Variants in BRMS1L observed in about 807,000 individuals in gnomAD.
BRMS1L encodes the protein breast cancer metastasis-suppressor 1-like protein.
Under a neutral mutation model 50.3 loss-of-function variants are expected in BRMS1L, and 23 were observed. That is an observed-to-expected ratio of 0.46 (90% CI 0.33 to 0.65). BRMS1L has a LOEUF of 0.65. Among genes scored for constraint, BRMS1L ranks in the 30% least tolerant of loss-of-function variants. The pLI is 0.02. For synonymous variants in BRMS1L, 114 were observed against 126.9 expected, an observed-to-expected ratio of 0.90 and a Z score of 0.69; for missense variants, 286 against 386.1, an observed-to-expected ratio of 0.74 and a Z score of 2.17.
chr14:35,849,966 T>C (rs766347261), intron 4 of BRMS1L, among the ~76,000 whole-genome samples: 1 of 151,558 alleles, frequency 6.6e-6, no homozygotes, highest in Non-Finnish European at 1.5e-5. Context: ...GCTACAGGCA[T>C]GTGCCACCAG....
At chr14:35,826,753 G>A (rs1272856052) in intron 1 of BRMS1L, 95 bp downstream of exon 1, 2 of 1,528,990 alleles carry the variant, frequency 1.3e-6, no homozygotes, top group South Asian at 1.2e-5. Flanking sequence ...CTGGGAAAGC[G>A]GGGCGGGGAC....
rs778539490 is a variant in BRMS1L, at chr14:35,867,985, A to T, written c.807A>T (p.Ile269=). Residue 269 remains isoleucine (I), a synonymous_variant, in exon 9 of 10, where the codon ATA becomes ATT. Coordinates refer to ENST00000216807, the MANE Select transcript of BRMS1L (RefSeq NM_032352.4). ...GRLYYDGEWY[I]RGQTICIDKK... is the part of the protein sequence containing the mutation. ...TATATTATGATGGTGAATGGTATATACGTGGACAAACAATATGTATTGATA... is the reference window on the plus strand; with the variant it reads ...TATATTATGATGGTGAATGGTATATTCGTGGACAAACAATATGTATTGATA... 1 of 1,611,180 alleles carries T rather than the reference A, an allele frequency of 6.2e-7. No individual in the cohort carries two copies. The highest frequency in any genetic ancestry group is 8.5e-7 in the Non-Finnish European group (1 of 1,179,036).
chr14:35,854,257 T>C (rs944078954), intron 4 of BRMS1L, among the ~76,000 whole-genome samples: 37 of 152,122 alleles, frequency 2.4e-4, no homozygotes, highest in Non-Finnish European at 5.9e-5. Flanking sequence ...AGTGGTAAAC[T>C]CAGTTTTTAT....
At chr14:35,856,098 G>C (rs2078276189) in intron 4 of BRMS1L, among the ~76,000 whole-genome samples, 1 of 152,192 alleles carries the variant, frequency 6.6e-6, no homozygotes, top group Non-Finnish European at 1.5e-5. Flanking sequence ...AAAGAAGGAA[G>C]ATACCCTGCC....
At position 35,831,425 on chromosome 14, in the gene BRMS1L, A is replaced by G. The variant is rs768531310; in HGVS notation, c.158A>G (p.Asp53Gly). 1.2e-6 allele frequency: 2 copies of G among 1,613,146 alleles called. No individual in the cohort carries two copies. Among genetic ancestry groups the G allele is most frequent in the Admixed American group, 3.3e-5 (2 of 59,954 alleles). ...TTATTAACAGAAATGGATGATGAAG[A>G]CTGTGAAAGAAGAAGAATGGAATGT... is the stretch of plus-strand genomic sequence containing the variant. ...DGDSSEMDDE[D>G]CERRRMECLD... The change falls in exon 2 of 10, where the codon GAC becomes GGC. Residue 53 changes from aspartate (D) to glycine (G), a missense_variant. Asp to Gly is a moderately conservative substitution (Grantham distance 94). This residue lies in a region of BRMS1L where 66 missense variants were observed against 67.8 expected (regional missense o/e 0.97). Transcript: ENST00000216807.
intron 4 of BRMS1L, among the ~76,000 whole-genome samples, chr14:35,842,411 G>T (rs1392587624): frequency 6.6e-6 from 1 of 152,126 alleles, no homozygotes; most frequent in Admixed American, 6.6e-5. Context: ...GTCCATAAAG[G>T]ATTTTATTTC....
At chr14:35,865,816 G>T in intron 8 of BRMS1L, 55 bp downstream of exon 8, 1 of 1,485,218 alleles carries the variant, frequency 6.7e-7, no homozygotes. Context: ...TGTTGAATCA[G>T]GGTTGTTATC....
chr14:35,853,473 G>C (rs984076905), intron 4 of BRMS1L, among the ~76,000 whole-genome samples: 1 of 151,980 alleles, frequency 6.6e-6, no homozygotes, highest in Non-Finnish European at 1.5e-5. Flanking sequence ...GAGTGCAGTG[G>C]TGTGATCGTG....
At chr14:35,868,728 T>C (rs2078451647) in intron 9 of BRMS1L, among the ~76,000 whole-genome samples, 2 of 152,116 alleles carry the variant, frequency 1.3e-5, no homozygotes, top group African/African-American at 4.8e-5. Context: ...AGGTATCATT[T>C]CACCACACCA....
chr14:35,870,672 T>A lies in BRMS1L; in HGVS notation c.*195T>A. 1 of 329,026 alleles carries A rather than the reference T, an allele frequency of 3.0e-6. No homozygotes were observed. Among genetic ancestry groups the A allele is most frequent in the South Asian group, 5.1e-5 (1 of 19,612 alleles). 20.4% of individuals were successfully genotyped at this position (329,026 alleles called of 1,614,324 possible). A position where few individuals can be genotyped will look rare whatever the true frequency, so the allele number is the denominator to read the frequency against. ...AGTAATAAAAATTTTATCACGATCC[T>A]TACGTTGATTTGCCTCTTAGGTCCG... On this transcript the variant is annotated 3_prime_UTR_variant, in exon 10 of 10. Coordinates refer to ENST00000216807, the MANE Select transcript of BRMS1L (RefSeq NM_032352.4).
chr14:35,835,486 A>G (rs950053282), intron 4 of BRMS1L, among the ~76,000 whole-genome samples: 2 of 152,228 alleles, frequency 1.3e-5, no homozygotes, highest in Non-Finnish European at 2.9e-5. Flanking sequence ...AATAACTCCC[A>G]CAAGCTTAAC....
At position 35,870,245 on chromosome 14, in the gene BRMS1L, A is replaced by G. The variant is rs1445734490; in HGVS notation, c.855-115A>G. 1.3e-5 allele frequency: 8 copies of G among 623,848 alleles called. No homozygotes were observed. In the East Asian group the frequency reaches 1.9e-4, roughly 15 times the overall value. 38.6% of individuals were successfully genotyped at this position (623,848 alleles called of 1,614,324 possible). On this transcript the variant is annotated intron_variant, in intron 9 of 9. Transcript: ENST00000216807. ...CAGCATTCTGGTAAATGACAATTAT[A>G]TACCTGAGTCTACTGTTGTAGGCCA...
At chr14:35,851,696 G>C (rs537196888) in intron 4 of BRMS1L, among the ~76,000 whole-genome samples, 1 of 152,322 alleles carries the variant, frequency 6.6e-6, no homozygotes, top group South Asian at 2.1e-4. Flanking sequence ...CCTGTGTACT[G>C]TTGGTGGGAA....
chr14:35,841,783 G>A (rs891268535), intron 4 of BRMS1L, among the ~76,000 whole-genome samples: 5 of 152,148 alleles, frequency 3.3e-5, no homozygotes, highest in Non-Finnish European at 7.4e-5. Context: ...GGATGTTAAA[G>A]TCTCTCACTA....
chr14:35,865,987 A>C (rs2078416225), intron 8 of BRMS1L: 2 of 469,440 alleles, frequency 4.3e-6, no homozygotes, highest in South Asian at 8.3e-5. Context: ...CTTATTGCTA[A>C]TAATGGATCA....
chr14:35,852,788 G>A (rs532572724), intron 4 of BRMS1L, among the ~76,000 whole-genome samples: 5 of 151,898 alleles, frequency 3.3e-5, no homozygotes, highest in East Asian at 3.9e-4. Context: ...AAAATCAGCC[G>A]GGCGCGGTGG....
At chr14:35,843,281 C>T (rs544824391) in intron 4 of BRMS1L, among the ~76,000 whole-genome samples, 33 of 152,166 alleles carry the variant, frequency 2.2e-4, no homozygotes, top group African/African-American at 7.9e-4. Context: ...GAATTTTCAG[C>T]CTTTTTGCAC....
chr14:35,851,099 T>C (rs1346327865), intron 4 of BRMS1L, among the ~76,000 whole-genome samples: 3 of 152,216 alleles, frequency 2.0e-5, no homozygotes, highest in African/African-American at 7.2e-5. Context: ...GATTTGTCTT[T>C]TGCTTCCTCA....
At chr14:35,864,093 C>A (rs534845512) in intron 6 of BRMS1L, 140 bp downstream of exon 6, 2 of 701,284 alleles carry the variant, frequency 2.9e-6, no homozygotes, top group African/African-American at 3.6e-5. Context: ...TTTATAAAAC[C>A]GATTGAAGAC....
Sources: gnomAD v4.1 joint callset for allele counts (sites outside exome capture counted in the v4.1 genomes callset) on GRCh38, gnomAD v4.1.1 for gene constraint, gnomAD v4.1.1 regional missense constraint, MANE v1.5 for transcripts, NCBI Gene and HGNC (gene_info 2026-07-23, HGNC 2026-07-21) for gene names.